NIPA2: variants seen among roughly 807,000 people sequenced by gnomAD.
NIPA2 encodes the protein NIPA magnesium transporter 2.
A neutral mutation model predicts 29.7 loss-of-function variants in NIPA2; 11 were observed. The ratio of observed to expected loss-of-function variants is 0.37; its 90% CI spans 0.23 to 0.61. The LOEUF is 0.61. Ranked by LOEUF, NIPA2 falls within the 20% of genes least tolerant of loss-of-function variation. The pLI is 0.66. For missense variants in NIPA2, 426 were observed against 437.9 expected (o/e 0.97, Z 0.24); for synonymous variants, 183 against 161.9 (o/e 1.13, Z -0.99).
rs554809340 is a variant in NIPA2 at position 22,856,312 on chromosome 15, C to T, written c.197-2228C>T. ...TTAGACTTCACAGGTTAAGCATACA[C>T]GTAATTTCTAGAGTATTCAGTTAAA... On this transcript the variant is annotated intron_variant, in intron 5 of 7. Transcript: ENST00000337451. Among the ~76,000 whole-genome samples, 52 of 151,748 alleles carry T rather than the reference C, an allele frequency of 3.4e-4. 2 individuals carry two copies. The South Asian group carries it at 9.4e-3, about 27-fold the overall frequency.
At chr15:22,854,227 A>G (rs971208281) in intron 5 of NIPA2, among the ~76,000 whole-genome samples, 11 of 151,764 alleles carry the variant, frequency 7.2e-5, no homozygotes, top group African/African-American at 2.4e-4. Flanking sequence ...TCCTGGGTTC[A>G]AGCGATTCTC....
rs2059101551 is a variant in NIPA2, at chr15:22,866,673, CTT to C, written c.911_912del (p.Phe304Ter). ...TGTTGCATGCCTTTAAAGACGTCAG[CTT>C]TAGTCTAGCAAGTCTGCCTGTGTCT... ...FLLHAFKDVS[F>X]SLASLPVSFR... On this transcript the variant is annotated frameshift_variant, in exon 8 of 8. Coordinates refer to ENST00000337451, the MANE Select transcript of NIPA2 (RefSeq NM_030922.7). LOFTEE classifies it high-confidence loss of function. 5.6e-6 allele frequency: 9 copies of C among 1,613,964 alleles called. No homozygotes were observed. Among genetic ancestry groups the C allele is most frequent in the Non-Finnish European group, 6.8e-6 (8 of 1,180,002 alleles).
intron 3 of NIPA2, among the ~76,000 whole-genome samples, chr15:22,845,533 C>T (rs1045489376): frequency 6.6e-6 from 1 of 152,098 alleles, no homozygotes; most frequent in Non-Finnish European, 1.5e-5. Flanking sequence ...TTTTAAGGAA[C>T]TTAAAGAGTT....
At chr15:22,850,718 T>TGTG (rs904620372) in intron 3 of NIPA2, among the ~76,000 whole-genome samples, 9 of 152,178 alleles carry the variant, frequency 5.9e-5, no homozygotes, top group African/African-American at 9.7e-5. Context: ...ACAGGGAGTT[T>TGTG]AAGTTGCTTT....
At position 22,866,837 on chromosome 15, in the gene NIPA2, C is replaced by T. The variant is rs1287686295; in HGVS notation, c.1073C>T (p.Thr358Ile). The T allele has an allele frequency of 1.3e-6, 2 of 1,583,686 alleles. No individual in the cohort carries two copies. Among genetic ancestry groups the T allele is most frequent in the East Asian group, 4.5e-5 (2 of 44,218 alleles). ...GTCTCCCGAAGAAATGGAAATCTGA[C>T]AGCTTTTTAAGAAAGGTGTAATTAA... ...ENVSRRNGNL[T>I]AF Residue 358 changes from threonine to isoleucine, a missense_variant, in exon 8 of 8, where the codon ACA becomes ATA. Around this residue, in one of 3 missense-constraint regions of NIPA2, gnomAD observed 357 missense variants for 339.8 expected, o/e 1.05. Transcript: ENST00000337451.
chr15:22,858,429 G>T, intron 5 of NIPA2, 111 bp from the exon 6 acceptor site: 1 of 560,074 alleles, frequency 1.8e-6, no homozygotes, highest in South Asian at 2.6e-5. Flanking sequence ...AAAATATGGA[G>T]GTTACTAAAT....
chr15:22,866,995 T>C lies in NIPA2; in HGVS notation c.*148T>C, dbSNP rs546038257. ...CACTAATTTGGACCAAGAAATTACT[T>C]TTCTTGTATTTAAACAAACAATGGT... On this transcript the variant is annotated 3_prime_UTR_variant, in exon 8 of 8. Transcript: ENST00000337451. 88 of 729,774 alleles carry C rather than the reference T, an allele frequency of 1.2e-4. No individual in the cohort carries two copies. In the South Asian group the frequency reaches 1.7e-3, roughly 14 times the overall value. 45.2% of individuals were successfully genotyped at this position (729,774 alleles called of 1,614,324 possible). A position where few individuals can be genotyped will look rare whatever the true frequency, so the allele number is the denominator to read the frequency against.
intron 3 of NIPA2, among the ~76,000 whole-genome samples, chr15:22,849,547 C>A (rs137958337): frequency 1.4e-4 from 21 of 149,712 alleles, no homozygotes; most frequent in Non-Finnish European, 2.4e-4. Flanking sequence ...TGAGTGTTTT[C>A]TTTCAATGTT....
Position 22,851,687 on chromosome 15 carries a change from C to G in NIPA2, c.-45C>G, listed in dbSNP as rs758048258. ...CTCTAGTACCAGCGGTTTCTCTGTT[C>G]TGTGATCAATGTGATTCACAGGAAC... On this transcript the variant is annotated 5_prime_UTR_variant, in exon 4 of 8. Transcript: ENST00000337451. 3.2e-6 allele frequency: 5 copies of G among 1,567,980 alleles called. No individual in the cohort carries two copies. The highest frequency in any genetic ancestry group is 2.6e-6 in the Non-Finnish European group (3 of 1,155,256).
intron 2 of NIPA2, among the ~76,000 whole-genome samples, chr15:22,841,910 C>T (rs956085723): frequency 6.6e-6 from 1 of 152,108 alleles, no homozygotes; most frequent in African/African-American, 2.4e-5. Flanking sequence ...ACCTCAGAGC[C>T]CCTGCACTTG....
Position 22,858,524 on chromosome 15 carries a change from G to C in NIPA2, c.197-16G>C. On this transcript the variant is annotated splice_polypyrimidine_tract_variant and intron_variant, in intron 5 of 7. Transcript: ENST00000337451. ...ACATTCTTACCTGAGTTTTTCTTTTGTTGTCTGTCTCTAAGTGGGAGCTGG... is the reference window on the plus strand; with the variant it reads ...ACATTCTTACCTGAGTTTTTCTTTTCTTGTCTGTCTCTAAGTGGGAGCTGG... 1.3e-6 allele frequency: 2 copies of C among 1,582,906 alleles called. No individual in the cohort carries two copies. Among genetic ancestry groups the C allele is most frequent in the Non-Finnish European group, 1.7e-6 (2 of 1,159,174 alleles).
rs59317671 is a variant in NIPA2, at chr15:22,862,898, C to CTTTT, written c.448+2126_448+2129dup. 2.7e-3 allele frequency among the ~76,000 whole-genome samples: 294 copies of CTTTT among 110,238 alleles called. 3 individuals carry two copies. Among genetic ancestry groups the CTTTT allele is most frequent in the African/African-American group, 8.3e-3 (230 of 27,830 alleles). The allele number at this position is 110,238 out of a possible 152,430, so 72.3% of individuals were successfully genotyped here. A position where few individuals can be genotyped will look rare whatever the true frequency, so the allele number is the denominator to read the frequency against. On this transcript the variant is annotated intron_variant, in intron 7 of 7. Transcript: ENST00000337451. ...TAGTTTCTTTCAGTTTGCCTTTATT[C>CTTTT]TTTTTTTTTTTTTTTTTTTTGGAGA...
At chr15:22,863,519 C>T (rs1304985324) in intron 7 of NIPA2, among the ~76,000 whole-genome samples, 2 of 152,224 alleles carry the variant, frequency 1.3e-5, no homozygotes, top group East Asian at 1.9e-4. Flanking sequence ...AAAATCCCTG[C>T]TTAGTCCTGT....
intron 3 of NIPA2, among the ~76,000 whole-genome samples, chr15:22,850,864 G>A (rs1045998427): frequency 6.6e-6 from 1 of 152,200 alleles, no homozygotes; most frequent in South Asian, 2.1e-4. Context: ...CTAGAAAGCT[G>A]ATCTGGCAGT....
At chr15:22,845,107 A>G (rs1200613730) in intron 2 of NIPA2, 39 bp from the exon 3 acceptor site, 1 of 152,224 alleles carries the variant, frequency 6.6e-6, no homozygotes, top group Non-Finnish European at 1.5e-5. Flanking sequence ...GCCCTGCCTC[A>G]TGGCTAATTC....
Position 22,867,088 on chromosome 15 carries a change from C to T in NIPA2, c.*241C>T, listed in dbSNP as rs1392791622. ...ATTTTATTGTTGTAGAAGTATTTTA[C>T]ATTTTCATCCCTTCTCCAAAAGCCG... On this transcript the variant is annotated 3_prime_UTR_variant, in exon 8 of 8. Coordinates refer to ENST00000337451, the MANE Select transcript of NIPA2 (RefSeq NM_030922.7). The T allele has an allele frequency of 1.4e-5, 7 of 492,912 alleles. No homozygotes were observed. The highest frequency in any genetic ancestry group is 2.1e-5 in the Non-Finnish European group (6 of 283,184). 30.5% of individuals were successfully genotyped at this position (492,912 alleles called of 1,614,324 possible).
At chr15:22,848,616 A>G (rs900670305) in intron 3 of NIPA2, among the ~76,000 whole-genome samples, 3 of 151,914 alleles carry the variant, frequency 2.0e-5, no homozygotes, top group Non-Finnish European at 4.4e-5. Context: ...ACTCGAGGTC[A>G]GGAGTTCCAG....
chr15:22,844,005 G>C (rs756041934), intron 2 of NIPA2, among the ~76,000 whole-genome samples: 2 of 152,076 alleles, frequency 1.3e-5, no homozygotes, highest in Non-Finnish European at 2.9e-5. Flanking sequence ...CCCAGTTGGT[G>C]TAATTTTTAA....
intron 3 of NIPA2, among the ~76,000 whole-genome samples, chr15:22,850,777 G>A (rs1240081878): frequency 6.6e-6 from 1 of 152,202 alleles, no homozygotes; most frequent in Non-Finnish European, 1.5e-5. Context: ...AACATGGCTA[G>A]TTAGGGTCCT....
Sources: allele counts gnomAD v4.1 joint callset (sites outside exome capture counted in the v4.1 genomes callset), GRCh38; gene constraint gnomAD v4.1.1; regional missense constraint gnomAD v4.1.1; transcripts MANE v1.5; gene names NCBI Gene and HGNC (gene_info 2026-07-23, HGNC 2026-07-21).